The following PIWIL2 variants were observed in gnomAD, a reference collection of about 807,000 sequenced individuals.
PIWIL2 encodes piwi like RNA-mediated gene silencing 2, also known as piwi-like protein 2.
In PIWIL2, 81 loss-of-function variants were observed where a neutral mutation model predicts 116.5. The observed-to-expected ratio is 0.70, with a 90% confidence interval of 0.58 to 0.84. PIWIL2 has a LOEUF of 0.84. Ranked by LOEUF, PIWIL2 falls within the 40% of genes least tolerant of loss-of-function variation. The probability of loss-of-function intolerance (pLI) is 0.00; values close to 1 mark genes in which losing one functional copy is unlikely to be tolerated. For missense variants in PIWIL2, 1,272 were observed against 1,212.3 expected, an observed-to-expected ratio of 1.05 and a Z score of -0.73; for synonymous variants, 489 against 429.5, an observed-to-expected ratio of 1.14 and a Z score of -1.71.
At chr8:22,301,238 C>T (rs148668505) in intron 10 of PIWIL2, among the ~76,000 whole-genome samples, 2 of 152,036 alleles carry the variant, frequency 1.3e-5, no homozygotes, top group Admixed American at 6.6e-5. Context: ...CCTAAAGTGC[C>T]GGGATTACAG....
intron 20 of PIWIL2, among the ~76,000 whole-genome samples, chr8:22,347,282 G>T (rs1017912878): frequency 1.3e-5 from 2 of 148,336 alleles, no homozygotes; most frequent in African/African-American, 5.0e-5. Context: ...GTGTGCTCTC[G>T]GCTCACTGTG....
In PIWIL2 at chr8:22,310,031, TA is replaced by T; in HGVS notation, c.1760del (p.Asn587ThrfsTer6). 1 of 1,610,914 alleles carries T rather than the reference TA, an allele frequency of 6.2e-7. No individual in the cohort carries two copies. The highest frequency in any genetic ancestry group is 8.5e-7 in the Non-Finnish European group (1 of 1,177,066). ...KNTSFITSQELNWVKEVTRDP... is the reference protein window; with the variant it reads ...KNTSFITSQEXNWVKEVTRDP... The stretch of plus-strand genomic sequence containing the variant: ...ACTTCGTTTATCACATCTCAGGAAC[TA>T]AACTGGGTTAAGGAAGTAACCAGAG... On this transcript the variant is annotated frameshift_variant, in exon 15 of 23. Coordinates refer to ENST00000356766, the MANE Select transcript of PIWIL2 (RefSeq NM_018068.5). LOFTEE classifies it high-confidence loss of function.
intron 20 of PIWIL2, among the ~76,000 whole-genome samples, chr8:22,321,513 A>G (rs1831598987): frequency 6.6e-6 from 1 of 152,112 alleles, no homozygotes; most frequent in Non-Finnish European, 1.5e-5. Context: ...GAATCTTTGT[A>G]TTTAAACTGT....
intron 10 of PIWIL2, among the ~76,000 whole-genome samples, chr8:22,295,356 G>T (rs7016800): frequency 1.3e-5 from 2 of 151,188 alleles, no homozygotes; most frequent in Non-Finnish European, 2.9e-5. Context: ...TTCTAAGTAC[G>T]TAATTTTATA....
At chr8:22,353,350 T>C in intron 21 of PIWIL2, 138 bp downstream of exon 21, 1 of 794,722 alleles carries the variant, frequency 1.3e-6, no homozygotes, top group East Asian at 2.6e-5. Context: ...AGAATGAAGG[T>C]TTAAAAAATA....
At chr8:22,297,027 T>C (rs530884207) in intron 10 of PIWIL2, among the ~76,000 whole-genome samples, 1 of 152,240 alleles carries the variant, frequency 6.6e-6, no homozygotes, top group African/African-American at 2.4e-5. Flanking sequence ...CTCACTTGGT[T>C]ACCCCAGTTG....
rs115438763 is a variant in PIWIL2 at position 22,307,373 on chromosome 8, C to G, written c.1546-560C>G. ...CCCCTTTGTTCCTGTTTCATAGGCT[C>G]TTATAGGAATTTTAAAGTCAAAATA... is the stretch of plus-strand genomic sequence containing the variant. On this transcript the variant is annotated intron_variant, in intron 13 of 22. Transcript: ENST00000356766. Among the ~76,000 whole-genome samples the G allele has an allele frequency of 9.8e-3, 1,473 of 150,692 alleles. 22 individuals carry two copies. The highest frequency in any genetic ancestry group is 0.034 in the African/African-American group (1,404 of 40,926).
chr8:22,336,812 A>G (rs1446064897), intron 20 of PIWIL2, among the ~76,000 whole-genome samples: 1 of 152,184 alleles, frequency 6.6e-6, no homozygotes, highest in Non-Finnish European at 1.5e-5. Context: ...GAATCAATGA[A>G]GCCAAAAGTT....
chr8:22,315,315 T>A (rs770004907), intron 18 of PIWIL2, among the ~76,000 whole-genome samples, 170 bp downstream of exon 18: 5 of 152,184 alleles, frequency 3.3e-5, no homozygotes, highest in Non-Finnish European at 5.9e-5. Flanking sequence ...TTTGTTTGTT[T>A]TTTGTTTTTT....
chr8:22,328,457 G>A (rs912103220), intron 20 of PIWIL2, among the ~76,000 whole-genome samples: 1 of 151,768 alleles, frequency 6.6e-6, no homozygotes, highest in Non-Finnish European at 1.5e-5. Flanking sequence ...AGGTTTTTTT[G>A]TTTCTGCAAA....
intron 14 of PIWIL2, 99 bp from the exon 15 acceptor site, chr8:22,309,862 T>C (rs1397338972): frequency 3.0e-6 from 2 of 668,626 alleles, no homozygotes; most frequent in African/African-American, 1.8e-5. Flanking sequence ...GGGACAAGTG[T>C]CTGTGGTGGA....
intron 7 of PIWIL2, 87 bp downstream of exon 7, chr8:22,287,732 T>A: frequency 1.2e-6 from 1 of 843,864 alleles, no homozygotes; most frequent in South Asian, 1.3e-5. Flanking sequence ...AGAGATTGGG[T>A]CTTGCTATGT....
chr8:22,308,165 A>T, intron 14 of PIWIL2, 92 bp downstream of exon 14: 2 of 1,004,158 alleles, frequency 2.0e-6, no homozygotes, highest in Non-Finnish European at 1.4e-6. Flanking sequence ...TATATTTTGA[A>T]TGTTTGTCCA....
chr8:22,312,020 T>C (rs1831344330), intron 16 of PIWIL2, among the ~76,000 whole-genome samples: 1 of 151,912 alleles, frequency 6.6e-6, no homozygotes, highest in Non-Finnish European at 1.5e-5. Context: ...TTCCAGCACG[T>C]TGGGATGCTG....
At chr8:22,314,521 T>G in intron 17 of PIWIL2, 92 bp downstream of exon 17, 1 of 562,806 alleles carries the variant, frequency 1.8e-6, no homozygotes, top group South Asian at 3.8e-5. Context: ...AAGACTAAAG[T>G]AGCTGTTAGA....
chr8:22,331,491 A>G (rs1444091487), intron 20 of PIWIL2, among the ~76,000 whole-genome samples: 3 of 152,134 alleles, frequency 2.0e-5, no homozygotes, highest in Non-Finnish European at 4.4e-5. Context: ...AATAAAAATA[A>G]AAATGACTTT....
At chr8:22,297,897 G>A (rs138496379) in intron 10 of PIWIL2, among the ~76,000 whole-genome samples, 162 of 152,234 alleles carry the variant, frequency 1.1e-3, no homozygotes, top group African/African-American at 3.8e-3. Flanking sequence ...GAGCAGAAAA[G>A]ACAGTCCGGA....
At chr8:22,303,960 T>A in intron 10 of PIWIL2, 61 bp from the exon 11 acceptor site, 2 of 1,043,850 alleles carry the variant, frequency 1.9e-6, no homozygotes, top group Non-Finnish European at 2.8e-6. Flanking sequence ...TGATCCCCTA[T>A]CCCTTTCATA....
intron 10 of PIWIL2, among the ~76,000 whole-genome samples, chr8:22,294,578 T>C (rs1243766511): frequency 6.9e-6 from 1 of 145,500 alleles, no homozygotes; most frequent in Admixed American, 7.0e-5. Flanking sequence ...GAGGCGGAGC[T>C]TGCAGTGAGC....
Sources: gnomAD v4.1 joint callset for allele counts (sites outside exome capture counted in the v4.1 genomes callset) on GRCh38, gnomAD v4.1.1 for gene constraint, MANE v1.5 for transcripts, NCBI Gene and HGNC (gene_info 2026-07-23, HGNC 2026-07-21) for gene names.